The following CDH13 variants were observed in gnomAD, a reference collection of about 807,000 sequenced individuals.
CDH13 encodes the protein cadherin 13.
CDH13 carries 24 observed loss-of-function variants against 63.8 expected under a neutral mutation model. The observed-to-expected ratio is 0.38, with a 90% confidence interval of 0.27 to 0.53. The LOEUF is 0.53. CDH13 is among the 20% of genes least tolerant of loss of function. The probability of loss-of-function intolerance (pLI) is 0.85; values close to 1 mark genes in which losing one functional copy is unlikely to be tolerated. For missense variants in CDH13, 1,049 were observed against 903.1 expected, an observed-to-expected ratio of 1.16 and a Z score of -2.07; for synonymous variants, 503 against 355.3, an observed-to-expected ratio of 1.42 and a Z score of -4.67.
chr16:83,452,317 A>C (rs2072906934), intron 6 of CDH13, among the ~76,000 whole-genome samples: 1 of 151,524 alleles, frequency 6.6e-6, no homozygotes, highest in Non-Finnish European at 1.5e-5. Context: ...TTGCTCTTAC[A>C]TGACTCATTT....
chr16:83,718,189 A>G (rs995528920), intron 10 of CDH13, among the ~76,000 whole-genome samples: 21 of 152,292 alleles, frequency 1.4e-4, no homozygotes, highest in Middle Eastern at 3.4e-3. Context: ...CACACTCTGC[A>G]TTGTCCATCC....
chr16:83,408,891 C>T (rs1421498855), intron 6 of CDH13, among the ~76,000 whole-genome samples: 1 of 152,150 alleles, frequency 6.6e-6, no homozygotes, highest in Non-Finnish European at 1.5e-5. Context: ...CAGAGGGATG[C>T]AGAGACTAAG....
chr16:83,289,193 C>A (rs992805238), intron 5 of CDH13, among the ~76,000 whole-genome samples: 2 of 141,944 alleles, frequency 1.4e-5, no homozygotes, highest in African/African-American at 5.8e-5. Context: ...TATGAATGTG[C>A]GTGAACTTGG....
intron 6 of CDH13, among the ~76,000 whole-genome samples, chr16:83,451,236 G>C (rs1598051534): frequency 6.6e-6 from 1 of 152,284 alleles, no homozygotes; most frequent in South Asian, 2.1e-4. Context: ...GTTCCACATG[G>C]CTGGGGAGGC....
At chr16:82,989,381 G>A (rs773242361) in intron 2 of CDH13, among the ~76,000 whole-genome samples, 1 of 152,196 alleles carries the variant, frequency 6.6e-6, no homozygotes, top group Non-Finnish European at 1.5e-5. Context: ...TGGAGGTGCT[G>A]TTCTGCCTTT....
At chr16:82,657,683 G>T (rs192112708) in intron 1 of CDH13, among the ~76,000 whole-genome samples, 174 of 152,274 alleles carry the variant, frequency 1.1e-3, no homozygotes, top group Non-Finnish European at 2.1e-3. Context: ...CCAATTTGGG[G>T]AGGGTAATGT....
At position 83,081,025 on chromosome 16, in the gene CDH13, G is replaced by A. The variant is rs143946630; in HGVS notation, c.367-44360G>A. Among the ~76,000 whole-genome samples the A allele has an allele frequency of 7.6e-3, 1,149 of 151,786 alleles. 8 individuals are homozygous for A. The highest frequency in any genetic ancestry group is 0.012 in the Non-Finnish European group (844 of 67,920). ...GCCTCCCGAGTAACTGGGACTACAG[G>A]CATGCGCCACCAGGCCCGGCTAATT... On this transcript the variant is annotated intron_variant, in intron 3 of 13. Transcript: ENST00000567109.
intron 2 of CDH13, among the ~76,000 whole-genome samples, chr16:82,963,932 C>T (rs961204655): frequency 2.0e-5 from 3 of 152,208 alleles, no homozygotes; most frequent in Non-Finnish European, 4.4e-5. Context: ...CAGTTGGACT[C>T]AGCAGTGCAA....
intron 6 of CDH13, among the ~76,000 whole-genome samples, chr16:83,464,054 T>G (rs76105237): frequency 7.9e-5 from 12 of 152,230 alleles, no homozygotes; most frequent in African/African-American, 2.9e-4. Flanking sequence ...TTATGCTATG[T>G]TCTAGGGGGA....
intron 5 of CDH13, among the ~76,000 whole-genome samples, chr16:83,234,919 G>A (rs924353631): frequency 3.3e-5 from 5 of 152,152 alleles, no homozygotes; most frequent in Admixed American, 6.5e-5. Flanking sequence ...GGTTTGGGCC[G>A]GGCACCGTGG....
chr16:82,749,054 GT>G (rs2034302439), intron 1 of CDH13, among the ~76,000 whole-genome samples: 1 of 152,066 alleles, frequency 6.6e-6, no homozygotes, highest in South Asian at 2.1e-4. Flanking sequence ...TGAAATATGA[GT>G]TCCAAAGACA....
At chr16:82,642,335 T>C (rs962080649) in intron 1 of CDH13, among the ~76,000 whole-genome samples, 4 of 152,180 alleles carry the variant, frequency 2.6e-5, no homozygotes, top group African/African-American at 4.8e-5. Flanking sequence ...AAGTTGCCCA[T>C]TAAAGTACAG....
chr16:83,710,776 G>A (rs1393843346), intron 10 of CDH13, among the ~76,000 whole-genome samples: 3 of 152,204 alleles, frequency 2.0e-5, no homozygotes, highest in Admixed American at 1.3e-4. Context: ...CCACCTCTAA[G>A]CACTCAATAA....
At chr16:83,301,025 G>GTTTTTTTTTTTTTTTTTTTTTTT (rs3052591) in intron 5 of CDH13, among the ~76,000 whole-genome samples, 3 of 78,756 alleles carry the variant, frequency 3.8e-5, no homozygotes, top group African/African-American at 1.1e-4. Context: ...ACTTTCTGGG[G>GTTTTTTTTTTTTTTTTTTTTTTT]TTTTTTTTTT....
At chr16:83,777,174 C>A (rs1378621684) in intron 11 of CDH13, among the ~76,000 whole-genome samples, 1 of 152,210 alleles carries the variant, frequency 6.6e-6, no homozygotes, top group Non-Finnish European at 1.5e-5. Flanking sequence ...TCCTATCAAT[C>A]CAATCGTGTG....
chr16:82,749,264 A>T (rs2034311717), intron 1 of CDH13, among the ~76,000 whole-genome samples: 1 of 152,098 alleles, frequency 6.6e-6, no homozygotes. Flanking sequence ...TAAAGCCCAT[A>T]CCTTGAGCTT....
chr16:83,017,336 C>A (rs1164017498), intron 2 of CDH13, among the ~76,000 whole-genome samples: 1 of 152,268 alleles, frequency 6.6e-6, no homozygotes, highest in South Asian at 2.1e-4. Context: ...TTTTTTAGCT[C>A]AAGACACAGA....
At chr16:82,856,841 G>C (rs74029260) in intron 1 of CDH13, among the ~76,000 whole-genome samples, 1,622 of 152,164 alleles carry the variant, frequency 0.011, 26 homozygotes, top group African/African-American at 0.037. Flanking sequence ...GGTGGACTTT[G>C]GCACTCAATC....
At chr16:83,425,938 C>T (rs2171687) in intron 6 of CDH13, among the ~76,000 whole-genome samples, 151,663 of 152,330 alleles carry the variant, frequency 1, 75,507 homozygotes, top group Middle Eastern at 1. Context: ...TTGCATTCTA[C>T]TGGGGAGAAT....
Sources: allele counts gnomAD v4.1 joint callset (sites outside exome capture counted in the v4.1 genomes callset), GRCh38; gene constraint gnomAD v4.1.1; transcripts MANE v1.5; gene names NCBI Gene and HGNC (gene_info 2026-07-23, HGNC 2026-07-21).